Variants in FUT9 observed in about 807,000 individuals in gnomAD.
The protein encoded by FUT9 is 4-galactosyl-N-acetylglucosaminide 3-alpha-L-fucosyltransferase 9.
In FUT9, 15 loss-of-function variants were observed where a neutral mutation model predicts 29.7. The ratio of observed to expected loss-of-function variants is 0.51; its 90% confidence interval spans 0.34 to 0.78. The LOEUF (loss-of-function observed/expected upper bound fraction) is 0.78. Ranked by LOEUF, FUT9 falls within the 30% of genes least tolerant of loss-of-function variation. The pLI is 0.01. For missense variants in FUT9, 319 were observed against 425.4 expected (o/e 0.75, Z 2.20); for synonymous variants, 169 against 153.7 (o/e 1.10, Z -0.74).
intron 1 of FUT9, among the ~76,000 whole-genome samples, chr6:96,078,949 A>G (rs1348655766): frequency 6.6e-6 from 1 of 152,122 alleles, no homozygotes; most frequent in Non-Finnish European, 1.5e-5. Context: ...TCTGAAAAGA[A>G]GACTCCTTAA....
intron 2 of FUT9, among the ~76,000 whole-genome samples, chr6:96,153,932 A>G (rs888279969): frequency 6.6e-6 from 1 of 152,208 alleles, no homozygotes; most frequent in Non-Finnish European, 1.5e-5. Context: ...TAAAATCTTA[A>G]TTCTCCTGGA....
At chr6:96,165,594 A>G (rs1307437538) in intron 2 of FUT9, among the ~76,000 whole-genome samples, 2 of 150,868 alleles carry the variant, frequency 1.3e-5, no homozygotes, top group South Asian at 2.1e-4. Context: ...CCAAACTTGG[A>G]TTTTCTGCAA....
chr6:96,139,304 G>A (rs1304943580), intron 2 of FUT9, among the ~76,000 whole-genome samples: 1 of 152,184 alleles, frequency 6.6e-6, no homozygotes, highest in Non-Finnish European at 1.5e-5. Context: ...TCATACTGAT[G>A]CAAGAGGTGA....
At chr6:96,039,965 CT>C (rs1186323912) in intron 1 of FUT9, among the ~76,000 whole-genome samples, 1 of 150,770 alleles carries the variant, frequency 6.6e-6, no homozygotes, top group Non-Finnish European at 1.5e-5. Context: ...TTTTCTGTCT[CT>C]TTCCTTCTCT....
intron 1 of FUT9, among the ~76,000 whole-genome samples, chr6:96,019,740 C>G (rs1770036845): frequency 6.6e-6 from 1 of 151,884 alleles, no homozygotes; most frequent in Non-Finnish European, 1.5e-5. Flanking sequence ...ATTAATTTAG[C>G]TGCAAATGGA....
rs1416145082 is a variant in FUT9, at chr6:96,209,858, T to C, written c.*5623T>C. ...ATTTCTGGGCTTTGAGCCATGAAAT[T>C]AGAATTTCTTCAAATAATCCATGCC... is the stretch of plus-strand genomic sequence containing the variant. On this transcript the variant is annotated 3_prime_UTR_variant, in exon 3 of 3. Transcript: ENST00000302103. 1 of 166,476 alleles carries C rather than the reference T, an allele frequency of 6.0e-6. No individual in the cohort carries two copies. Among genetic ancestry groups the C allele is most frequent in the East Asian group, 1.9e-4 (1 of 5,186 alleles). 10.3% of individuals were successfully genotyped at this position (166,476 alleles called of 1,614,324 possible).
intron 2 of FUT9, among the ~76,000 whole-genome samples, chr6:96,191,257 C>T (rs1031310801): frequency 1.3e-5 from 2 of 151,972 alleles, no homozygotes; most frequent in East Asian, 1.9e-4. Flanking sequence ...AATAGAGACA[C>T]AAAAAACCCT....
chr6:96,191,088 G>A (rs1057150797), intron 2 of FUT9, among the ~76,000 whole-genome samples: 7 of 152,086 alleles, frequency 4.6e-5, no homozygotes, highest in Admixed American at 1.3e-4. Context: ...GGGTTTTGGT[G>A]TGGATGTCCT....
At chr6:96,110,356 A>G (rs186897188) in intron 1 of FUT9, among the ~76,000 whole-genome samples, 42 of 152,266 alleles carry the variant, frequency 2.8e-4, no homozygotes, top group African/African-American at 9.9e-4. Context: ...TCCATATTGC[A>G]TGATAGCTAA....
At chr6:96,037,980 A>G (rs1318658231) in intron 1 of FUT9, among the ~76,000 whole-genome samples, 3 of 143,928 alleles carry the variant, frequency 2.1e-5, no homozygotes, top group African/African-American at 7.7e-5. Flanking sequence ...TGAGCCTACT[A>G]TAGACACCTG....
chr6:96,154,852 A>T (rs1347653764), intron 2 of FUT9, among the ~76,000 whole-genome samples: 1 of 152,220 alleles, frequency 6.6e-6, no homozygotes, highest in Non-Finnish European at 1.5e-5. Flanking sequence ...AATGTAACTG[A>T]CAACTCCTGT....
chr6:96,211,509 T>A lies in FUT9; in HGVS notation c.*7274T>A, dbSNP rs1773936797. Reference sequence around the variant, plus strand: ...AATGATTTGTTAGGAAGTCTCCATCTACTCTTAAACTAATTTAAAAAAAAG... The same window carrying A: ...AATGATTTGTTAGGAAGTCTCCATCAACTCTTAAACTAATTTAAAAAAAAG... On this transcript the variant is annotated 3_prime_UTR_variant, in exon 3 of 3. Transcript: ENST00000302103. 1 of 166,856 alleles carries A rather than the reference T, an allele frequency of 6.0e-6. No individual in the cohort carries two copies. The highest frequency in any genetic ancestry group is 2.4e-5 in the African/African-American group (1 of 41,432). 10.3% of individuals were successfully genotyped at this position (166,856 alleles called of 1,614,324 possible).
chr6:96,031,595 G>A (rs189157534), intron 1 of FUT9, among the ~76,000 whole-genome samples: 112 of 151,510 alleles, frequency 7.4e-4, no homozygotes, highest in African/African-American at 2.6e-3. Flanking sequence ...TTAACAAATA[G>A]TGTATCCTTC....
Position 96,205,678 on chromosome 6 carries a change from C to T in FUT9, c.*1443C>T, listed in dbSNP as rs1351101858. 6.0e-6 allele frequency: 1 copy of T among 166,360 alleles called. No homozygotes were observed. Among genetic ancestry groups the T allele is most frequent in the Non-Finnish European group, 1.5e-5 (1 of 68,096 alleles). The allele number at this position is 166,360 out of a possible 1,614,324, so 10.3% of individuals were successfully genotyped here. ...TTAAGGATTCTTCAAGGAAAACATT[C>T]CTCAAAATGATCTTTAGTGCCTTTA... On this transcript the variant is annotated 3_prime_UTR_variant, in exon 3 of 3. Coordinates refer to ENST00000302103, the MANE Select transcript of FUT9 (RefSeq NM_006581.4).
intron 2 of FUT9, among the ~76,000 whole-genome samples, chr6:96,159,336 T>A (rs914101965): frequency 9.2e-5 from 14 of 151,796 alleles, no homozygotes; most frequent in African/African-American, 3.4e-4. Flanking sequence ...TCCCTCTGAA[T>A]GATGATATAC....
At position 96,026,369 on chromosome 6, in the gene FUT9, G is replaced by T. The variant is rs997919596; in HGVS notation, c.-98+10157G>T. Among the ~76,000 whole-genome samples the T allele has an allele frequency of 9.9e-5, 15 of 151,656 alleles. No individual in the cohort carries two copies. The South Asian group carries it at 1.0e-3, about 10-fold the overall frequency. The stretch of plus-strand genomic sequence containing the variant: ...AGGAAGCTTTTGGAACAAATATATT[G>T]TATTTAAGCTGCAATATTAGAGTCT... On this transcript the variant is annotated intron_variant, in intron 1 of 2. Coordinates refer to ENST00000302103, the MANE Select transcript of FUT9 (RefSeq NM_006581.4).
At chr6:96,060,801 G>A (rs1330231356) in intron 1 of FUT9, among the ~76,000 whole-genome samples, 1 of 152,182 alleles carries the variant, frequency 6.6e-6, no homozygotes, top group African/African-American at 2.4e-5. Context: ...GCCTCCCAAA[G>A]TGCTGGGATT....
chr6:96,195,152 T>C (rs1434755656), intron 2 of FUT9, among the ~76,000 whole-genome samples: 1 of 152,152 alleles, frequency 6.6e-6, no homozygotes, highest in African/African-American at 2.4e-5. Context: ...GGCAGCTCTC[T>C]TGCCAGTAGA....
chr6:96,177,814 T>C (rs1439956267), intron 2 of FUT9, among the ~76,000 whole-genome samples: 1 of 152,210 alleles, frequency 6.6e-6, no homozygotes, highest in African/African-American at 2.4e-5. Flanking sequence ...TTTTACTTAA[T>C]GTTACTAAGG....
Sources: gnomAD v4.1 joint callset for allele counts (sites outside exome capture counted in the v4.1 genomes callset) on GRCh38, gnomAD v4.1.1 for gene constraint, MANE v1.5 for transcripts, NCBI Gene and HGNC (gene_info 2026-07-23, HGNC 2026-07-21) for gene names.